The following FOXO1 variants were observed in gnomAD, a reference collection of about 807,000 sequenced individuals.
The protein encoded by FOXO1 is forkhead box protein O1.
In FOXO1, 6 loss-of-function variants were observed where a neutral mutation model predicts 44.1. The observed-to-expected ratio is 0.14, with a 90% CI of 0.07 to 0.27. FOXO1 has a LOEUF of 0.27. FOXO1 is among the 10% of genes least tolerant of loss of function. The pLI, the probability that FOXO1 is intolerant of heterozygous loss-of-function variation, is 1.00. For synonymous variants in FOXO1, 380 were observed against 362.7 expected, an observed-to-expected ratio of 1.05 and a Z score of -0.54; for missense variants, 737 against 888.8, an observed-to-expected ratio of 0.83 and a Z score of 2.17.
chr13:40,584,252 A>G (rs1875065074), intron 1 of FOXO1, among the ~76,000 whole-genome samples: 1 of 151,980 alleles, frequency 6.6e-6, no homozygotes, highest in Admixed American at 6.6e-5. Flanking sequence ...ATCCACATAT[A>G]CCTCCAAGGC....
chr13:40,582,767 C>T (rs1001439086), intron 1 of FOXO1, among the ~76,000 whole-genome samples: 1 of 152,214 alleles, frequency 6.6e-6, no homozygotes, highest in Non-Finnish European at 1.5e-5. Flanking sequence ...ACATCTGCAT[C>T]TACTTCCTCT....
At chr13:40,593,180 C>T (rs902569446) in intron 1 of FOXO1, among the ~76,000 whole-genome samples, 4 of 152,040 alleles carry the variant, frequency 2.6e-5, no homozygotes, top group African/African-American at 7.2e-5. Context: ...CATGTCACCA[C>T]GCCTGGCTAA....
At chr13:40,640,216 A>G (rs1197551640) in intron 1 of FOXO1, among the ~76,000 whole-genome samples, 1 of 152,252 alleles carries the variant, frequency 6.6e-6, no homozygotes, top group Non-Finnish European at 1.5e-5. Context: ...TCATGCAAGC[A>G]TCATATGTAA....
chr13:40,631,593 T>C (rs368007744), intron 1 of FOXO1, among the ~76,000 whole-genome samples: 17 of 152,360 alleles, frequency 1.1e-4, no homozygotes, highest in Middle Eastern at 3.4e-3. Context: ...AAATGTGATA[T>C]ATACATAGAA....
chr13:40,594,778 C>T (rs985030348), intron 1 of FOXO1, among the ~76,000 whole-genome samples: 1 of 152,298 alleles, frequency 6.6e-6, no homozygotes, highest in South Asian at 2.1e-4. Flanking sequence ...CTTCCAACTC[C>T]TAGGCTCAAG....
chr13:40,609,438 T>A (rs1876146641), intron 1 of FOXO1, among the ~76,000 whole-genome samples: 1 of 152,132 alleles, frequency 6.6e-6, no homozygotes, highest in Non-Finnish European at 1.5e-5. Context: ...TATGCATGAG[T>A]ATTTGTAAAT....
rs1381752638 is a variant in FOXO1 at position 40,555,783 on chromosome 13, C to T, written c.*3266G>A. On this transcript the variant is annotated 3_prime_UTR_variant, in exon 3 of 3. Coordinates refer to ENST00000379561, the MANE Select transcript of FOXO1 (RefSeq NM_002015.4). Reference sequence around the variant, plus strand: ...AAGCCATTTAAACATAATTTATGTACATTTATGGCTTTATACAATTATAGC... The same window carrying T: ...AAGCCATTTAAACATAATTTATGTATATTTATGGCTTTATACAATTATAGC... 1 of 152,666 alleles carries T rather than the reference C, an allele frequency of 6.6e-6. No homozygotes were observed. Among genetic ancestry groups the T allele is most frequent in the African/African-American group, 2.4e-5 (1 of 41,466 alleles). 9.5% of individuals were successfully genotyped at this position (152,666 alleles called of 1,614,324 possible).
intron 1 of FOXO1, among the ~76,000 whole-genome samples, chr13:40,623,639 T>G (rs992663515): frequency 3.3e-5 from 5 of 152,150 alleles, no homozygotes; most frequent in Non-Finnish European, 7.4e-5. Flanking sequence ...CATTAACAAA[T>G]GTACAATTTC....
chr13:40,579,476 G>A (rs1004963461), intron 1 of FOXO1, among the ~76,000 whole-genome samples: 1 of 152,160 alleles, frequency 6.6e-6, no homozygotes, highest in Non-Finnish European at 1.5e-5. Flanking sequence ...GGAGAAGAAT[G>A]GGCCAAATCT....
At chr13:40,645,017 C>G (rs1453795153) in intron 1 of FOXO1, among the ~76,000 whole-genome samples, 1 of 152,192 alleles carries the variant, frequency 6.6e-6, no homozygotes, top group African/African-American at 2.4e-5. Flanking sequence ...ACTGAAAACA[C>G]AAAGGCATTT....
intron 1 of FOXO1, chr13:40,619,033 T>A: frequency 2.0e-6 from 1 of 487,996 alleles, no homozygotes. Context: ...ATGCCTGTAA[T>A]CCCAGCACTT....
intron 1 of FOXO1, among the ~76,000 whole-genome samples, chr13:40,582,732 T>A (rs1875005172): frequency 6.6e-6 from 1 of 152,214 alleles, no homozygotes; most frequent in African/African-American, 2.4e-5. Context: ...CCACTTCTAA[T>A]TCTAGTTCTT....
rs940739894 is a variant in FOXO1, at chr13:40,666,253, G to A, written c.-41C>T. ...TCCCCCAGCCGCAGGAGAGCCAAGA[G>A]GGGGAGAACGCAGCACTGGGGGCGG... On this transcript the variant is annotated 5_prime_UTR_variant, in exon 1 of 3. Coordinates refer to ENST00000379561, the MANE Select transcript of FOXO1 (RefSeq NM_002015.4). 34 of 1,350,620 alleles carry A rather than the reference G, an allele frequency of 2.5e-5. No individual in the cohort carries two copies. The highest frequency in any genetic ancestry group is 6.8e-5 in the South Asian group (4 of 59,114). The allele number at this position is 1,350,620 out of a possible 1,614,324, so 83.7% of individuals were successfully genotyped here.
chr13:40,568,102 G>A (rs1874342772), intron 1 of FOXO1, among the ~76,000 whole-genome samples: 1 of 152,128 alleles, frequency 6.6e-6, no homozygotes, highest in African/African-American at 2.4e-5. Context: ...GGACTCACAG[G>A]GAAAGCGGAA....
At chr13:40,620,954 A>G (rs1270097684) in intron 1 of FOXO1, among the ~76,000 whole-genome samples, 1 of 151,784 alleles carries the variant, frequency 6.6e-6, no homozygotes, top group African/African-American at 2.4e-5. Flanking sequence ...ACCCGCCATC[A>G]TGCCTGGCTG....
chr13:40,612,923 C>T (rs760643379), intron 1 of FOXO1, among the ~76,000 whole-genome samples: 5 of 152,162 alleles, frequency 3.3e-5, no homozygotes, highest in Non-Finnish European at 7.3e-5. Context: ...TAAAGGAGGA[C>T]TACTGTGTAT....
chr13:40,618,954 G>C (rs1359311348), intron 1 of FOXO1: 13 of 524,628 alleles, frequency 2.5e-5, no homozygotes, highest in South Asian at 1.4e-4. Context: ...TGGTTAGATG[G>C]GGTCAACAAA....
At chr13:40,568,300 C>T (rs1874348846) in intron 1 of FOXO1, among the ~76,000 whole-genome samples, 1 of 152,198 alleles carries the variant, frequency 6.6e-6, no homozygotes, top group African/African-American at 2.4e-5. Flanking sequence ...TTTCCCAAAG[C>T]ATTTAATCTA....
chr13:40,603,675 T>C (rs1875892930), intron 1 of FOXO1, among the ~76,000 whole-genome samples: 1 of 152,210 alleles, frequency 6.6e-6, no homozygotes, highest in Admixed American at 6.5e-5. Flanking sequence ...ACCCCTTTCA[T>C]ATCAATCCAA....
Sources: allele counts gnomAD v4.1 joint callset (sites outside exome capture counted in the v4.1 genomes callset), GRCh38; gene constraint gnomAD v4.1.1; transcripts MANE v1.5; gene names NCBI Gene and HGNC (gene_info 2026-07-23, HGNC 2026-07-21).